The following CNTN3 variants were observed in gnomAD, a reference collection of about 807,000 sequenced individuals.
CNTN3 encodes the protein contactin 3.
Under a neutral mutation model 119.1 loss-of-function variants are expected in CNTN3, and 60 were observed. The observed-to-expected ratio is 0.50, with a 90% confidence interval of 0.41 to 0.62. The LOEUF (loss-of-function observed/expected upper bound fraction) is 0.62, where lower values mean the gene tolerates loss of function less well. Ranked by LOEUF, CNTN3 falls within the 20% of genes least tolerant of loss-of-function variation. The pLI is 0.00. For synonymous variants in CNTN3, 450 were observed against 438.7 expected (o/e 1.03, Z -0.32); for missense variants, 1,101 against 1,242.4 (o/e 0.89, Z 1.71).
At chr3:74,610,036 A>C (rs982281497) in intron 1 of CNTN3, among the ~76,000 whole-genome samples, 6 of 152,028 alleles carry the variant, frequency 3.9e-5, no homozygotes, top group African/African-American at 1.2e-4. Context: ...CAAAAACTCT[A>C]TGTGGGCCAG....
rs1288619161 is a variant in CNTN3 at position 74,268,506 on chromosome 3, A to G, written c.2705-1128T>C. Among the ~76,000 whole-genome samples the G allele has an allele frequency of 2.0e-5, 3 of 152,298 alleles. No homozygotes were observed. The East Asian group carries it at 5.8e-4, about 29-fold the overall frequency. ...TTACAGATAGGAAGAACTCAAATAC[A>G]TTTATGAGTCTAATGACACCAAACG... is the stretch of plus-strand genomic sequence containing the variant. On this transcript the variant is annotated intron_variant, in intron 20 of 22. Transcript: ENST00000263665.
At chr3:74,434,902 G>A (rs936515688) in intron 4 of CNTN3, among the ~76,000 whole-genome samples, 3 of 152,042 alleles carry the variant, frequency 2.0e-5, no homozygotes, top group Non-Finnish European at 4.4e-5. Context: ...TTTTCTGCAT[G>A]CATTTCAGAT....
chr3:74,366,510 G>A (rs1035988501), intron 8 of CNTN3, among the ~76,000 whole-genome samples: 1 of 151,788 alleles, frequency 6.6e-6, no homozygotes, highest in South Asian at 2.1e-4. Flanking sequence ...TCCAAAACTG[G>A]GAGGTGAGAT....
At chr3:74,529,249 C>A (rs7644822) in intron 1 of CNTN3, among the ~76,000 whole-genome samples, 140,909 of 151,940 alleles carry the variant, frequency 0.93, 66,223 homozygotes, top group East Asian at 1. Context: ...ATAAACTTTT[C>A]CAATGGATTA....
chr3:74,585,216 CAAAGTGTGG>C lies in CNTN3; in HGVS notation c.-81+29166_-81+29174del, dbSNP rs1704574524. ...CTGATGGGTTAGTATCCATAAATCA[CAAAGTGTGG>C]ACATGTGCAAATGAAACCAAGCTAG... is the stretch of plus-strand genomic sequence containing the variant. On this transcript the variant is annotated intron_variant, in intron 1 of 22. Transcript: ENST00000263665. Among the ~76,000 whole-genome samples, 11 of 152,194 alleles carry C rather than the reference CAAAGTGTGG, an allele frequency of 7.2e-5. No individual in the cohort carries two copies. In the South Asian group the frequency reaches 2.3e-3, roughly 32 times the overall value.
intron 4 of CNTN3, among the ~76,000 whole-genome samples, chr3:74,474,730 T>C (rs1039092653): frequency 2.6e-5 from 4 of 152,116 alleles, no homozygotes; most frequent in African/African-American, 9.7e-5. Flanking sequence ...CATATTGAAA[T>C]GCAACGCCAA....
chr3:74,474,284 C>A (rs935857813), intron 4 of CNTN3, among the ~76,000 whole-genome samples: 11 of 152,034 alleles, frequency 7.2e-5, no homozygotes, highest in South Asian at 2.1e-4. Flanking sequence ...CTGAACAACA[C>A]AACAAATGTG....
At chr3:74,500,179 C>T (rs1165852591) in intron 2 of CNTN3, among the ~76,000 whole-genome samples, 5 of 151,924 alleles carry the variant, frequency 3.3e-5, no homozygotes, top group Non-Finnish European at 5.9e-5. Context: ...TTCATAAAAT[C>T]GGCTTGGCAT....
intron 5 of CNTN3, among the ~76,000 whole-genome samples, chr3:74,396,775 A>G (rs1160295922): frequency 6.6e-6 from 1 of 151,434 alleles, no homozygotes. Context: ...AAGGCTGAGA[A>G]AAGTGAGGGA....
chr3:74,544,195 G>A (rs571299361), intron 1 of CNTN3, among the ~76,000 whole-genome samples: 1 of 152,230 alleles, frequency 6.6e-6, no homozygotes, highest in South Asian at 2.1e-4. Context: ...AAAGGGAAAA[G>A]GCATTATTAG....
intron 4 of CNTN3, among the ~76,000 whole-genome samples, chr3:74,459,232 A>C (rs1466227836): frequency 6.6e-6 from 1 of 151,958 alleles, no homozygotes; most frequent in Non-Finnish European, 1.5e-5. Flanking sequence ...TTCAAGACCC[A>C]GAGGGACCTC....
intron 4 of CNTN3, among the ~76,000 whole-genome samples, chr3:74,437,916 C>T (rs1020561565): frequency 7.2e-5 from 11 of 152,162 alleles, no homozygotes; most frequent in Non-Finnish European, 1.5e-4. Context: ...AATGTTCTCA[C>T]ATAAAACATT....
intron 1 of CNTN3, among the ~76,000 whole-genome samples, chr3:74,531,825 G>A (rs1703697212): frequency 6.6e-6 from 1 of 152,072 alleles, no homozygotes; most frequent in East Asian, 2.0e-4. Flanking sequence ...GGGGCTGGGA[G>A]TGGGATGGGG....
At position 74,563,015 on chromosome 3, in the gene CNTN3, A is replaced by G. The variant is rs115065304; in HGVS notation, c.-80-41823T>C. Among the ~76,000 whole-genome samples, 657 of 152,210 alleles carry G rather than the reference A, an allele frequency of 4.3e-3. 6 individuals carry two copies. The highest frequency in any genetic ancestry group is 0.015 in the African/African-American group (625 of 41,544). ...CGGCTGCAGATGTTCAGTCAATTAG[A>G]TTGCCTGATTAGCTCAACATTCCAC... On this transcript the variant is annotated intron_variant, in intron 1 of 22. Coordinates refer to ENST00000263665, the MANE Select transcript of CNTN3 (RefSeq NM_020872.3).
At chr3:74,334,951 G>A in intron 12 of CNTN3, 41 bp from the exon 13 acceptor site, 1 of 1,512,114 alleles carries the variant, frequency 6.6e-7, no homozygotes, top group Non-Finnish European at 9.1e-7. Flanking sequence ...GCATTTTATT[G>A]TGATAAAAGA....
chr3:74,403,400 G>GT, intron 5 of CNTN3, among the ~76,000 whole-genome samples: 1 of 152,294 alleles, frequency 6.6e-6, no homozygotes, highest in South Asian at 2.1e-4. Flanking sequence ...TGGGAGTTAG[G>GT]AGGTTGATGG....
intron 4 of CNTN3, among the ~76,000 whole-genome samples, chr3:74,448,555 A>C (rs969489060): frequency 1.2e-4 from 19 of 152,160 alleles, no homozygotes; most frequent in Admixed American, 9.8e-4. Context: ...GACACCTGCT[A>C]ACCTGAGGAA....
intron 13 of CNTN3, among the ~76,000 whole-genome samples, chr3:74,308,892 A>C (rs754929809): frequency 5.3e-5 from 8 of 152,194 alleles, no homozygotes; most frequent in African/African-American, 1.9e-4. Flanking sequence ...CTGCTCACCA[A>C]AATAATAGTT....
At chr3:74,386,579 C>T (rs1023395656) in intron 5 of CNTN3, among the ~76,000 whole-genome samples, 2 of 152,138 alleles carry the variant, frequency 1.3e-5, no homozygotes, top group African/African-American at 2.4e-5. Flanking sequence ...ACACAGAAAA[C>T]AAACAAAGCA....
Sources: gnomAD v4.1 joint callset for allele counts (sites outside exome capture counted in the v4.1 genomes callset) on GRCh38, gnomAD v4.1.1 for gene constraint, MANE v1.5 for transcripts, NCBI Gene and HGNC (gene_info 2026-07-23, HGNC 2026-07-21) for gene names.